The following SEPTIN2 variants were observed in gnomAD, a reference collection of about 807,000 sequenced individuals.
SEPTIN2 encodes septin-2.
Under a neutral mutation model 46.5 loss-of-function variants are expected in SEPTIN2, and 34 were observed. That is an observed-to-expected ratio of 0.73 (90% CI 0.56 to 0.97). SEPTIN2 has a LOEUF of 0.97. Ranked by LOEUF, SEPTIN2 falls within the 50% of genes least tolerant of loss-of-function variation. The probability of loss-of-function intolerance (pLI) is 0.00; values close to 1 mark genes in which losing one functional copy is unlikely to be tolerated. For missense variants in SEPTIN2, 347 were observed against 448.4 expected, an observed-to-expected ratio of 0.77 and a Z score of 2.04; for synonymous variants, 175 against 153.4, an observed-to-expected ratio of 1.14 and a Z score of -1.04.
intron 7 of SEPTIN2, among the ~76,000 whole-genome samples, chr2:241,338,888 A>C (rs1436965896): frequency 1.3e-5 from 1 of 79,258 alleles, no homozygotes; most frequent in Non-Finnish European, 2.2e-5. Context: ...TATCTATAAT[A>C]TATATTATAT....
intron 3 of SEPTIN2, among the ~76,000 whole-genome samples, chr2:241,333,013 ATAATCT>A (rs376423203): frequency 1.4e-4 from 21 of 152,364 alleles, no homozygotes; most frequent in African/African-American, 3.6e-4. Context: ...GGTTATGAAA[ATAATCT>A]TTATCTTGAG....
chr2:241,335,611 T>C, intron 4 of SEPTIN2: 1 of 585,570 alleles, frequency 1.7e-6, no homozygotes, highest in East Asian at 2.9e-5. Flanking sequence ...AAATGACTGT[T>C]GAATGAAATA....
chr2:241,319,941 T>C (rs1407435769), intron 1 of SEPTIN2, among the ~76,000 whole-genome samples: 1 of 152,266 alleles, frequency 6.6e-6, no homozygotes, highest in East Asian at 1.9e-4. Flanking sequence ...GAATTTCATA[T>C]GCCTCATCAG....
At chr2:241,327,746 G>A (rs529331583) in intron 3 of SEPTIN2, among the ~76,000 whole-genome samples, 15 of 152,108 alleles carry the variant, frequency 9.9e-5, no homozygotes, top group Middle Eastern at 6.8e-3. Flanking sequence ...TAAACAGAAA[G>A]GTCTTTAAAA....
intron 8 of SEPTIN2, 73 bp downstream of exon 8, chr2:241,343,166 T>G: frequency 1.2e-6 from 1 of 848,488 alleles, no homozygotes; most frequent in Non-Finnish European, 2.0e-6. Context: ...TGAGAGAGAT[T>G]GCCTGGGTAT....
chr2:241,318,339 G>A (rs1387024875), intron 1 of SEPTIN2: 1 of 152,190 alleles, frequency 6.6e-6, no homozygotes, highest in African/African-American at 2.4e-5. Context: ...TGTAATAGGT[G>A]ATAAGGTAAG....
At position 241,330,060 on chromosome 2, in the gene SEPTIN2, C is replaced by T. The variant is rs117590694; in HGVS notation, c.130+3947C>T. Among the ~76,000 whole-genome samples, 247 of 152,210 alleles carry T rather than the reference C, an allele frequency of 1.6e-3. 5 individuals are homozygous for T. The East Asian group carries it at 0.044, about 27-fold the overall frequency. ...GAAGTTAGTATTATTCCTAATTAGA[C>T]GGGGAGTAAAGCCTTTAAAGAGGAG... On this transcript the variant is annotated intron_variant, in intron 3 of 12. Coordinates refer to ENST00000391971, the MANE Select transcript of SEPTIN2 (RefSeq NM_004404.5).
chr2:241,335,824 T>C, intron 4 of SEPTIN2, 151 bp from the exon 5 acceptor site: 1 of 938,176 alleles, frequency 1.1e-6, no homozygotes, highest in Non-Finnish European at 1.7e-6. Flanking sequence ...TTCTGACTTC[T>C]CTGGGATCTT....
In SEPTIN2 at chr2:241,353,048, C is replaced by G. The variant is rs1431335729; in HGVS notation, c.*1111C>G. On this transcript the variant is annotated 3_prime_UTR_variant, in exon 13 of 13. Transcript: ENST00000391971. Reference sequence around the variant, plus strand: ...AACCTCTGATGCCTACCGGGTTCTCCTGATTTGAGTTTCCTTTAAATACTC... The same window carrying G: ...AACCTCTGATGCCTACCGGGTTCTCGTGATTTGAGTTTCCTTTAAATACTC... 6.6e-6 allele frequency: 1 copy of G among 152,208 alleles called. No homozygotes were observed. The allele number at this position is 152,208 out of a possible 1,614,324, so 9.4% of individuals were successfully genotyped here. A position where few individuals can be genotyped will look rare whatever the true frequency, so the allele number is the denominator to read the frequency against.
At chr2:241,323,058 A>G (rs1255733498) in intron 1 of SEPTIN2, among the ~76,000 whole-genome samples, 1 of 152,094 alleles carries the variant, frequency 6.6e-6, no homozygotes, top group Non-Finnish European at 1.5e-5. Flanking sequence ...TTGTAGAGAT[A>G]GGGTTTTGCT....
rs1420035749 is a variant in SEPTIN2 at position 241,315,959 on chromosome 2, G to T, written c.-41G>T. The T allele has an allele frequency of 6.6e-6, 1 of 152,406 alleles. No individual in the cohort carries two copies. Among genetic ancestry groups the T allele is most frequent in the Admixed American group, 6.5e-5 (1 of 15,292 alleles). 9.4% of individuals were successfully genotyped at this position (152,406 alleles called of 1,614,324 possible). On this transcript the variant is annotated 5_prime_UTR_variant, in exon 1 of 13. Coordinates refer to ENST00000391971, the MANE Select transcript of SEPTIN2 (RefSeq NM_004404.5). ...CGGGTCCGCGGCGCGGTCGGTCGGC[G>T]CCTGTTCTCGGGCTGTTTGGCGGGT...
At chr2:241,324,281 T>C in intron 2 of SEPTIN2, 40 bp downstream of exon 2, 1 of 1,560,884 alleles carries the variant, frequency 6.4e-7, no homozygotes, top group South Asian at 1.2e-5. Context: ...TAAGGAGAAA[T>C]TGCTTTATGT....
At chr2:241,347,907 C>G (rs1048377653) in intron 10 of SEPTIN2, among the ~76,000 whole-genome samples, 2 of 151,960 alleles carry the variant, frequency 1.3e-5, no homozygotes, top group Non-Finnish European at 2.9e-5. Flanking sequence ...GCCAGTTACC[C>G]AGGAGGCTAA....
In SEPTIN2 at chr2:241,338,942, A is replaced by T. The variant is rs1381907631; in HGVS notation, c.594+1152A>T. On this transcript the variant is annotated intron_variant, in intron 7 of 12. Transcript: ENST00000391971. ...ATAATTGTACATATATTTATTATAT[A>T]TATTATATATATAATATATATTATA... Among the ~76,000 whole-genome samples, 33 of 97,918 alleles carry T rather than the reference A, an allele frequency of 3.4e-4. 1 individual carries two copies. The highest frequency in any genetic ancestry group is 2.6e-3 in the Admixed American group (15 of 5,854). The allele number at this position is 97,918 out of a possible 152,430, so 64.2% of individuals were successfully genotyped here. A position where few individuals can be genotyped will look rare whatever the true frequency, so the allele number is the denominator to read the frequency against.
At chr2:241,325,833 A>T in intron 2 of SEPTIN2, 160 bp from the exon 3 acceptor site, 1 of 567,942 alleles carries the variant, frequency 1.8e-6, no homozygotes, top group East Asian at 3.1e-5. Flanking sequence ...GTTGAATACT[A>T]CTGGTTTTCT....
chr2:241,347,099 T>G (rs920088742), intron 10 of SEPTIN2, among the ~76,000 whole-genome samples: 2 of 152,284 alleles, frequency 1.3e-5, no homozygotes, highest in South Asian at 4.1e-4. Flanking sequence ...TATAAAAATT[T>G]TTTTTAAATT....
intron 12 of SEPTIN2, 122 bp downstream of exon 12, chr2:241,350,325 A>G (rs1402318878): frequency 1.1e-5 from 5 of 450,010 alleles, no homozygotes; most frequent in Non-Finnish European, 3.9e-6. Flanking sequence ...CTCCATCACT[A>G]ATCTTAAACA....
rs1031609557 is a variant in SEPTIN2 at position 241,339,865 on chromosome 2, G to A, written c.594+2075G>A. 3.9e-5 allele frequency among the ~76,000 whole-genome samples: 6 copies of A among 152,250 alleles called. No homozygotes were observed. The South Asian group carries it at 8.3e-4, about 21-fold the overall frequency. ...ACACTGCATAAAGTATTTCTCTAGC[G>A]TGTTTTTTGGCTTCTCCTGACCCCT... On this transcript the variant is annotated intron_variant, in intron 7 of 12. Transcript: ENST00000391971.
intron 7 of SEPTIN2, 86 bp downstream of exon 7, chr2:241,337,876 C>A: frequency 1.1e-6 from 1 of 913,506 alleles, no homozygotes; most frequent in South Asian, 1.5e-5. Flanking sequence ...CACGCTCAGT[C>A]TGCTCAGGTG....
Sources: allele counts gnomAD v4.1 joint callset (sites outside exome capture counted in the v4.1 genomes callset), GRCh38; gene constraint gnomAD v4.1.1; transcripts MANE v1.5; gene names NCBI Gene and HGNC (gene_info 2026-07-23, HGNC 2026-07-21).